The following LDLRAD4 variants were observed in gnomAD, a reference collection of about 807,000 sequenced individuals.
LDLRAD4 encodes low density lipoprotein receptor class A domain containing 4, also known as low-density lipoprotein receptor class A domain-containing protein 4.
A neutral mutation model predicts 17.0 loss-of-function variants in LDLRAD4; 5 were observed. That is an observed-to-expected ratio of 0.29 (90% confidence interval 0.15 to 0.62). The LOEUF (loss-of-function observed/expected upper bound fraction) is 0.62, where lower values mean the gene tolerates loss of function less well. Among genes scored for constraint, LDLRAD4 ranks in the 20% least tolerant of loss-of-function variants. The pLI is 0.84. For missense variants in LDLRAD4, 340 were observed against 424.7 expected (o/e 0.80, Z 1.75); for synonymous variants, 168 against 171.8 (o/e 0.98, Z 0.17).
At chr18:13,627,393 C>A (rs2148864876) in intron 4 of LDLRAD4, among the ~76,000 whole-genome samples, 1 of 152,302 alleles carries the variant, frequency 6.6e-6, no homozygotes, top group East Asian at 1.9e-4. Context: ...ATGGAGTGGG[C>A]CTGTGCTGCC....
intron 1 of LDLRAD4, among the ~76,000 whole-genome samples, chr18:13,351,254 A>G (rs1469531102): frequency 1.3e-5 from 2 of 152,166 alleles, no homozygotes; most frequent in South Asian, 2.1e-4. Context: ...GATTCTTTCT[A>G]TCTATGAGGA....
intron 3 of LDLRAD4, among the ~76,000 whole-genome samples, chr18:13,459,350 A>T (rs1038907569): frequency 7.1e-6 from 1 of 141,556 alleles, no homozygotes; most frequent in African/African-American, 2.7e-5. Context: ...AAGAAAGAAA[A>T]ATTAAAAAAT....
chr18:13,372,701 C>T (rs544611174), intron 1 of LDLRAD4, among the ~76,000 whole-genome samples: 175 of 152,298 alleles, frequency 1.1e-3, no homozygotes, highest in African/African-American at 4.0e-3. Flanking sequence ...TAAGACATTG[C>T]ACTGAAGATG....
intron 4 of LDLRAD4, chr18:13,642,230 GCT>G: frequency 1.0e-6 from 1 of 986,356 alleles, no homozygotes; most frequent in Non-Finnish European, 1.2e-6. Flanking sequence ...GTCCCTCGCT[GCT>G]GGCGCCGGGG....
At chr18:13,458,309 CTA>C (rs2092253704) in intron 3 of LDLRAD4, among the ~76,000 whole-genome samples, 2 of 152,140 alleles carry the variant, frequency 1.3e-5, no homozygotes, top group Admixed American at 6.5e-5. Flanking sequence ...TTTAGAAGCA[CTA>C]TGTGTTAGCA....
chr18:13,489,186 C>T (rs537134262), intron 3 of LDLRAD4: 10 of 138,116 alleles, frequency 7.2e-5, no homozygotes, highest in African/African-American at 2.3e-4. Flanking sequence ...TGGAGTTTCA[C>T]TCTTGTTGCC....
chr18:13,253,066 T>C (rs531268051), intron 1 of LDLRAD4, among the ~76,000 whole-genome samples: 1 of 152,294 alleles, frequency 6.6e-6, no homozygotes, highest in African/African-American at 2.4e-5. Context: ...CTGCTCCTGC[T>C]CCCAAGTGCC....
chr18:13,443,661 T>C (rs1156631877), intron 3 of LDLRAD4, among the ~76,000 whole-genome samples: 2 of 152,078 alleles, frequency 1.3e-5, no homozygotes, highest in Admixed American at 1.3e-4. Flanking sequence ...AGGTTATCCC[T>C]CCATATCTAT....
intron 1 of LDLRAD4, among the ~76,000 whole-genome samples, chr18:13,231,482 A>C (rs1288473501): frequency 6.6e-6 from 1 of 152,092 alleles, no homozygotes; most frequent in Non-Finnish European, 1.5e-5. Context: ...TTTGTCGAAA[A>C]CCAAATCAAC....
chr18:13,387,531 G>A (rs534213962), exon 2 of LDLRAD4: 8 of 547,940 alleles, frequency 1.5e-5, no homozygotes, highest in African/African-American at 8.0e-5. Flanking sequence ...GACCGCCGCC[G>A]CCCAGGTGCC....
intron 1 of LDLRAD4, among the ~76,000 whole-genome samples, chr18:13,317,982 A>T (rs892544503): frequency 1.1e-4 from 17 of 152,112 alleles, no homozygotes; most frequent in African/African-American, 4.1e-4. Context: ...TGAATTTCAC[A>T]TTATGTTAAA....
At chr18:13,531,006 C>T (rs1039013837) in intron 3 of LDLRAD4, among the ~76,000 whole-genome samples, 26 of 152,152 alleles carry the variant, frequency 1.7e-4, no homozygotes, top group Admixed American at 3.3e-4. Flanking sequence ...CACAGTGGTT[C>T]TCCTTCGTTT....
intron 1 of LDLRAD4, among the ~76,000 whole-genome samples, chr18:13,253,541 C>T (rs943803603): frequency 2.6e-5 from 4 of 151,984 alleles, no homozygotes; most frequent in African/African-American, 7.3e-5. Context: ...GGCCCCTTTT[C>T]GGATTGATTA....
At chr18:13,612,551 C>A (rs912979406) in intron 3 of LDLRAD4, 39 of 1,447,854 alleles carry the variant, frequency 2.7e-5, no homozygotes, top group African/African-American at 2.1e-4. Flanking sequence ...ACACACCCCC[C>A]CCCCCTCCAC....
chr18:13,616,961 C>T (rs1405414123), intron 3 of LDLRAD4, among the ~76,000 whole-genome samples: 1 of 152,212 alleles, frequency 6.6e-6, no homozygotes, highest in Non-Finnish European at 1.5e-5. Context: ...TGTAGATGCA[C>T]CTGCCACGGC....
At chr18:13,449,882 G>C (rs1274926482) in intron 3 of LDLRAD4, among the ~76,000 whole-genome samples, 1 of 152,164 alleles carries the variant, frequency 6.6e-6, no homozygotes. Flanking sequence ...GTGGGTTCAG[G>C]CCCAACCGCT....
intron 3 of LDLRAD4, among the ~76,000 whole-genome samples, chr18:13,571,186 G>A (rs1400224752): frequency 1.3e-5 from 2 of 152,118 alleles, no homozygotes; most frequent in African/African-American, 2.4e-5. Flanking sequence ...GCCTGGCCAG[G>A]CAGATTCTCA....
At chr18:13,280,827 C>CAGTGT (rs2045225508) in intron 1 of LDLRAD4, among the ~76,000 whole-genome samples, 1 of 152,188 alleles carries the variant, frequency 6.6e-6, no homozygotes, top group African/African-American at 2.4e-5. Context: ...GGATGTCTTC[C>CAGTGT]AGTGTGAGAC....
intron 2 of LDLRAD4, among the ~76,000 whole-genome samples, chr18:13,392,425 T>C (rs887860806): frequency 6.6e-6 from 1 of 152,234 alleles, no homozygotes; most frequent in South Asian, 2.1e-4. Flanking sequence ...CATTGAGCAA[T>C]GATATAGGTG....
Sources: gnomAD v4.1 joint callset for allele counts (sites outside exome capture counted in the v4.1 genomes callset) on GRCh38, gnomAD v4.1.1 for gene constraint, MANE v1.5 for transcripts, NCBI Gene and HGNC (gene_info 2026-07-23, HGNC 2026-07-21) for gene names.